Variants in SLC22A3 observed in about 807,000 individuals in gnomAD.
SLC22A3 encodes EMT organic cation transporter 3.
SLC22A3 carries 51 observed loss-of-function variants against 59.1 expected under a neutral mutation model. The observed-to-expected ratio is 0.86, with a 90% CI of 0.69 to 1.09. The LOEUF (loss-of-function observed/expected upper bound fraction) is 1.09. Among genes scored for constraint, SLC22A3 ranks in the 50% least tolerant of loss-of-function variants. The pLI, the probability that SLC22A3 is intolerant of heterozygous loss-of-function variation, is 0.00. For missense variants in SLC22A3, 711 were observed against 726.3 expected, an observed-to-expected ratio of 0.98 and a Z score of 0.24; for synonymous variants, 325 against 292.0, an observed-to-expected ratio of 1.11 and a Z score of -1.15.
intron 2 of SLC22A3, among the ~76,000 whole-genome samples, chr6:160,406,829 C>G (rs1299484517): frequency 6.6e-6 from 1 of 152,194 alleles, no homozygotes; most frequent in Admixed American, 6.6e-5. Flanking sequence ...TTTTCAGAAA[C>G]TGCAATCACA....
intron 2 of SLC22A3, among the ~76,000 whole-genome samples, chr6:160,403,246 A>G (rs902720257): frequency 1.3e-5 from 2 of 151,798 alleles, no homozygotes; most frequent in African/African-American, 2.4e-5. Flanking sequence ...CATTAACAGG[A>G]TAATAAAGAA....
chr6:160,435,843 C>G (rs1466872288), intron 5 of SLC22A3, among the ~76,000 whole-genome samples: 1 of 152,172 alleles, frequency 6.6e-6, no homozygotes, highest in South Asian at 2.1e-4. Flanking sequence ...CTTCTTGTTT[C>G]AGCACTCAGT....
At chr6:160,366,127 C>G (rs1473959527) in intron 1 of SLC22A3, among the ~76,000 whole-genome samples, 1 of 152,144 alleles carries the variant, frequency 6.6e-6, no homozygotes, top group African/African-American at 2.4e-5. Flanking sequence ...TCATGTCCTC[C>G]CATCTCAAAA....
Position 160,451,715 on chromosome 6 carries a change from A to C in SLC22A3, c.*659A>C, listed in dbSNP as rs1788972842. 6.6e-6 allele frequency: 1 copy of C among 152,502 alleles called. No homozygotes were observed. Among genetic ancestry groups the C allele is most frequent in the Admixed American group, 6.5e-5 (1 of 15,310 alleles). 9.4% of individuals were successfully genotyped at this position (152,502 alleles called of 1,614,324 possible). On this transcript the variant is annotated 3_prime_UTR_variant, in exon 11 of 11. Coordinates refer to ENST00000275300, the MANE Select transcript of SLC22A3 (RefSeq NM_021977.4). The stretch of plus-strand genomic sequence containing the variant: ...GGCATGGTTTAGGCCCTGTTCCAGC[A>C]ATAAGAACCAATCTGCTGTACAATC...
intron 1 of SLC22A3, among the ~76,000 whole-genome samples, chr6:160,384,144 G>A (rs1397461569): frequency 6.6e-6 from 1 of 152,132 alleles, no homozygotes; most frequent in Non-Finnish European, 1.5e-5. Context: ...TGGCTAGGCT[G>A]ATCTCAAACT....
At chr6:160,421,337 TG>T (rs1787727572) in intron 5 of SLC22A3, among the ~76,000 whole-genome samples, 1 of 152,220 alleles carries the variant, frequency 6.6e-6, no homozygotes, top group Non-Finnish European at 1.5e-5. Context: ...TCACTGCTAC[TG>T]GGATCCTGGC....
chr6:160,378,757 C>T (rs1431069544), intron 1 of SLC22A3, among the ~76,000 whole-genome samples: 1 of 152,164 alleles, frequency 6.6e-6, no homozygotes, highest in Non-Finnish European at 1.5e-5. Context: ...TTACACTAGC[C>T]TGCAGTCGGG....
At chr6:160,392,191 G>C (rs1013958563) in intron 1 of SLC22A3, among the ~76,000 whole-genome samples, 2 of 152,060 alleles carry the variant, frequency 1.3e-5, no homozygotes, top group Admixed American at 1.3e-4. Flanking sequence ...TCATGTGCCA[G>C]GCAGAACCTT....
At chr6:160,351,486 C>T (rs1484763995) in intron 1 of SLC22A3, among the ~76,000 whole-genome samples, 4 of 152,166 alleles carry the variant, frequency 2.6e-5, no homozygotes, top group African/African-American at 7.2e-5. Flanking sequence ...AAGAGGAAAA[C>T]CCCCATCTAT....
At chr6:160,411,284 GA>G (rs1787238553) in intron 5 of SLC22A3, among the ~76,000 whole-genome samples, 1 of 151,854 alleles carries the variant, frequency 6.6e-6, no homozygotes, top group Admixed American at 6.6e-5. Flanking sequence ...GTTTGGCCCT[GA>G]AAAAAAATCT....
chr6:160,357,786 A>C (rs555455692), intron 1 of SLC22A3, among the ~76,000 whole-genome samples: 2 of 152,318 alleles, frequency 1.3e-5, no homozygotes, highest in South Asian at 4.1e-4. Flanking sequence ...TTTGGCATCA[A>C]CTTTAAAGAA....
chr6:160,399,873 A>G (rs904220424), intron 2 of SLC22A3, among the ~76,000 whole-genome samples: 1 of 152,112 alleles, frequency 6.6e-6, no homozygotes, highest in Non-Finnish European at 1.5e-5. Context: ...GCAAACTACT[A>G]CCTTCAGCAT....
At chr6:160,416,830 G>T (rs920026742) in intron 5 of SLC22A3, among the ~76,000 whole-genome samples, 2 of 152,168 alleles carry the variant, frequency 1.3e-5, no homozygotes, top group African/African-American at 4.8e-5. Flanking sequence ...ATAATGGATG[G>T]AGTAACAATG....
chr6:160,407,181 C>T lies in SLC22A3; in HGVS notation c.674C>T (p.Thr225Ile), dbSNP rs1787052755. The T allele has an allele frequency of 6.2e-7, 1 of 1,609,286 alleles. No homozygotes were observed. The highest frequency in any genetic ancestry group is 1.3e-5 in the African/African-American group (1 of 74,676). The change falls in exon 3 of 11, where the codon ACT becomes ATT. Residue 225 changes from threonine (T) to isoleucine (I), a missense_variant. Thr to Ile is a moderately conservative substitution (Grantham distance 89, BLOSUM62 -1). Transcript: ENST00000275300. ...QGVFGKGTWM[T>I]CYVIVTEIVG... ...GTATTTGGAAAGGGGACGTGGATGA[C>T]TTGCTACGTGATTGGTAAGACATTC... is the stretch of plus-strand genomic sequence containing the variant.
chr6:160,422,354 G>A (rs553291011), intron 5 of SLC22A3, among the ~76,000 whole-genome samples: 3 of 152,318 alleles, frequency 2.0e-5, no homozygotes, highest in South Asian at 2.1e-4. Flanking sequence ...GATAAAAAAG[G>A]TATCAGGTGC....
chr6:160,386,318 A>C (rs1786012386), intron 1 of SLC22A3, among the ~76,000 whole-genome samples: 1 of 152,188 alleles, frequency 6.6e-6, no homozygotes, highest in Non-Finnish European at 1.5e-5. Context: ...GGGGAAATAG[A>C]AGGAAATATT....
intron 5 of SLC22A3, among the ~76,000 whole-genome samples, chr6:160,426,927 A>T (rs921541746): frequency 5.1e-4 from 77 of 152,040 alleles, no homozygotes; most frequent in Non-Finnish European, 1.2e-4. Context: ...GTGGGTCCCT[A>T]TTGTCTACAT....
At chr6:160,446,622 C>T (rs1190602738) in intron 9 of SLC22A3, among the ~76,000 whole-genome samples, 1 of 152,148 alleles carries the variant, frequency 6.6e-6, no homozygotes, top group Non-Finnish European at 1.5e-5. Flanking sequence ...CAGGTCCCTC[C>T]CTCAACATGT....
rs976240253 is a variant in SLC22A3 at position 160,415,444 on chromosome 6, C to T, written c.975+4598C>T. ...TTTTGTGATTCAAATACATACTGTC[C>T]GTGTCTATGTTAGGATAGCCTTGAA... On this transcript the variant is annotated intron_variant, in intron 5 of 10. Coordinates refer to ENST00000275300, the MANE Select transcript of SLC22A3 (RefSeq NM_021977.4). The surrounding 1 kb of genome is among the most constrained non-coding windows in gnomAD (Gnocchi z 4.1). Among the ~76,000 whole-genome samples, 1 of 152,130 alleles carries T rather than the reference C, an allele frequency of 6.6e-6. No homozygotes were observed. Among genetic ancestry groups the T allele is most frequent in the Non-Finnish European group, 1.5e-5 (1 of 68,032 alleles).
Sources: allele counts gnomAD v4.1 joint callset (sites outside exome capture counted in the v4.1 genomes callset), GRCh38; gene constraint gnomAD v4.1.1; non-coding constraint Gnocchi (gnomAD v3.1); transcripts MANE v1.5; gene names NCBI Gene and HGNC (gene_info 2026-07-23, HGNC 2026-07-21).